Variants in LIFR observed in about 807,000 individuals in gnomAD.
LIFR encodes LIF receptor subunit alpha, also known as leukemia inhibitory factor receptor.
LIFR carries 84 observed loss-of-function variants against 122.2 expected under a neutral mutation model. The ratio of observed to expected loss-of-function variants is 0.69; its 90% confidence interval spans 0.58 to 0.82. The LOEUF (loss-of-function observed/expected upper bound fraction) is 0.82. Ranked by LOEUF, LIFR falls within the 40% of genes least tolerant of loss-of-function variation. LIFR has a pLI of 0.00. For synonymous variants in LIFR, 422 were observed against 434.7 expected, an observed-to-expected ratio of 0.97 and a Z score of 0.36; for missense variants, 1,294 against 1,311.6, an observed-to-expected ratio of 0.99 and a Z score of 0.21.
At position 38,523,501 on chromosome 5, in the gene LIFR, C is replaced by G. The variant is rs772370399; in HGVS notation, c.479G>C (p.Arg160Thr). 3.1e-6 allele frequency: 5 copies of G among 1,613,240 alleles called. No homozygotes were observed. The African/African-American group carries it at 6.7e-5, about 22-fold the overall frequency. The change falls in exon 5 of 20, where the codon AGG becomes ACG. Residue 160 changes from arginine to threonine, a missense_variant. Physicochemically the swap from Arg to Thr is moderately conservative, Grantham distance 71. Coordinates refer to ENST00000453190, the MANE Select transcript of LIFR (RefSeq NM_001127671.2). ...TSTLYLKWND[R>T]GSVFPHRSNV... Reference sequence around the variant, plus strand: ...TGAGCGGTGTGGAAAAACTGAACCCCTGTCGTTCCACTTTAGGTATAATGT... The same window carrying G: ...TGAGCGGTGTGGAAAAACTGAACCCGTGTCGTTCCACTTTAGGTATAATGT...
chr5:38,592,484 C>A (rs1332712459), intron 1 of LIFR, among the ~76,000 whole-genome samples: 4 of 151,832 alleles, frequency 2.6e-5, no homozygotes, highest in African/African-American at 9.7e-5. Context: ...ATGACAAAAC[C>A]CTGTCTCTAC....
At chr5:38,582,351 T>C (rs1289178942) in intron 1 of LIFR, among the ~76,000 whole-genome samples, 1 of 152,194 alleles carries the variant, frequency 6.6e-6, no homozygotes, top group Non-Finnish European at 1.5e-5. Context: ...GGTGACCAAG[T>C]AAATCCTTCA....
chr5:38,528,548 C>T (rs1440434509), intron 3 of LIFR, 178 bp downstream of exon 3: 5 of 643,596 alleles, frequency 7.8e-6, no homozygotes, highest in East Asian at 2.8e-5. Context: ...TGCCATCACA[C>T]CTCATAATGC....
At chr5:38,577,824 T>C (rs2112730937) in intron 1 of LIFR, among the ~76,000 whole-genome samples, 1 of 152,340 alleles carries the variant, frequency 6.6e-6, no homozygotes, top group East Asian at 1.9e-4. Flanking sequence ...ATCAGGCTTT[T>C]TGAACAACAT....
upstream of LIFR, chr5:38,595,495 T>C (rs1750067647): frequency 6.6e-6 from 1 of 152,366 alleles, no homozygotes; most frequent in Non-Finnish European, 1.5e-5. Flanking sequence ...ATCACAACAA[T>C]GACTGGAATG....
At position 38,478,066 on chromosome 5, in the gene LIFR, T is replaced by G. The variant is rs920764625; in HGVS notation, c.*3529A>C. ...CTTTCAAAATACCATAAAATTGATT[T>G]TAAATTCCCTTTGGAAGAAAACATC... On this transcript the variant is annotated 3_prime_UTR_variant, in exon 20 of 20. Coordinates refer to ENST00000453190, the MANE Select transcript of LIFR (RefSeq NM_001127671.2). The G allele has an allele frequency of 1.4e-5, 3 of 208,588 alleles. No homozygotes were observed. Among genetic ancestry groups the G allele is most frequent in the Admixed American group, 5.9e-5 (1 of 16,910 alleles). The allele number at this position is 208,588 out of a possible 1,614,324, so 12.9% of individuals were successfully genotyped here.
At chr5:38,497,545 GT>G (rs1439004652) in intron 12 of LIFR, among the ~76,000 whole-genome samples, 3 of 152,188 alleles carry the variant, frequency 2.0e-5, no homozygotes, top group South Asian at 2.1e-4. Flanking sequence ...AGCATCATGG[GT>G]TTTTTTCTAA....
intron 1 of LIFR, among the ~76,000 whole-genome samples, chr5:38,565,836 G>A (rs1417124104): frequency 1.3e-5 from 2 of 152,102 alleles, no homozygotes; most frequent in East Asian, 1.9e-4. Context: ...CCCACACCTC[G>A]GCATCCCAAA....
In LIFR at chr5:38,530,610, C is replaced by A. The variant is rs2112571355; in HGVS notation, c.38G>T (p.Trp13Leu). 6.2e-7 allele frequency: 1 copy of A among 1,613,414 alleles called. No individual in the cohort carries two copies. Among genetic ancestry groups the A allele is most frequent in the Non-Finnish European group, 8.5e-7 (1 of 1,179,378 alleles). ...DIYVCLKRPS[W>L]MVDNKRMRTA... ...CCTCATTCTTTTATTGTCCACCATCCAGGATGGTCGTTTCAAACATACGTA... is the reference window on the plus strand; with the variant it reads ...CCTCATTCTTTTATTGTCCACCATCAAGGATGGTCGTTTCAAACATACGTA... Residue 13 changes from tryptophan (W) to leucine (L), a missense_variant, in exon 2 of 20, where the codon TGG becomes TTG. Physicochemically the swap from Trp to Leu is moderately conservative, Grantham distance 61 (BLOSUM62 -2). Coordinates refer to ENST00000453190, the MANE Select transcript of LIFR (RefSeq NM_001127671.2).
Position 38,527,173 on chromosome 5 carries a change from G to C in LIFR, c.379C>G (p.Leu127Val). The change falls in exon 4 of 20, where the codon CTA becomes GTA. Residue 127 changes from leucine (L) to valine (V), a missense_variant. Coordinates refer to ENST00000453190, the MANE Select transcript of LIFR (RefSeq NM_001127671.2). ...DFGSSTSKFT[L>V]NEQNVSLIPD... ...TACTTACAAACGTTTTGTTCATTTA[G>C]TGTGAATTTACTTGTAGAACTTCCA... 1 of 1,593,630 alleles carries C rather than the reference G, an allele frequency of 6.3e-7. No homozygotes were observed. The highest frequency in any genetic ancestry group is 8.6e-7 in the Non-Finnish European group (1 of 1,163,420).
At chr5:38,567,496 GTATTTATTTATT>G (rs56285132) in intron 1 of LIFR, among the ~76,000 whole-genome samples, 55 of 132,886 alleles carry the variant, frequency 4.1e-4, no homozygotes, top group Middle Eastern at 3.6e-3. Flanking sequence ...TGACCATTCT[GTATTTATTTATT>G]TATTTATTTA....
chr5:38,600,974 C>T (rs1750211614), intron 2 of LIFR, among the ~76,000 whole-genome samples: 1 of 152,194 alleles, frequency 6.6e-6, no homozygotes, highest in Non-Finnish European at 1.5e-5. Flanking sequence ...TAGAACAGGA[C>T]ACACAGGGGT....
intron 1 of LIFR, among the ~76,000 whole-genome samples, chr5:38,543,852 T>G (rs560306957): frequency 1.3e-5 from 2 of 152,160 alleles, no homozygotes; most frequent in Non-Finnish European, 2.9e-5. Flanking sequence ...CTACCTGACT[T>G]TTCTCCAGAT....
intron 1 of LIFR, among the ~76,000 whole-genome samples, chr5:38,606,462 C>T (rs1750331727): frequency 6.6e-6 from 1 of 152,150 alleles, no homozygotes; most frequent in South Asian, 2.1e-4. Flanking sequence ...CCACCAGGCC[C>T]CACCTCCAGC....
intron 17 of LIFR, chr5:38,485,504 T>A (rs1744238771): frequency 2.6e-6 from 1 of 386,782 alleles, no homozygotes; most frequent in African/African-American, 2.1e-5. Flanking sequence ...AGAAATCACA[T>A]AACAGCTGGA....
chr5:38,514,586 A>C (rs1745977129), intron 5 of LIFR, among the ~76,000 whole-genome samples: 1 of 152,230 alleles, frequency 6.6e-6, no homozygotes, highest in South Asian at 2.1e-4. Context: ...AAATAATTAA[A>C]TTAAAAGAAC....
At chr5:38,512,736 G>A (rs1252900045) in intron 5 of LIFR, among the ~76,000 whole-genome samples, 8 of 152,092 alleles carry the variant, frequency 5.3e-5, no homozygotes, top group Admixed American at 5.2e-4. Context: ...TGCTCAAAAA[G>A]TTTTGAATTT....
chr5:38,515,659 G>A (rs1401195550), intron 5 of LIFR, among the ~76,000 whole-genome samples: 1 of 149,992 alleles, frequency 6.7e-6, no homozygotes, highest in African/African-American at 2.4e-5. Flanking sequence ...AAAGGGAGGG[G>A]GTTGCTATCA....
intron 16 of LIFR, among the ~76,000 whole-genome samples, chr5:38,487,382 T>G (rs1744343878): frequency 6.6e-6 from 1 of 152,216 alleles, no homozygotes; most frequent in Non-Finnish European, 1.5e-5. Flanking sequence ...TGAAGAGACT[T>G]CTAGTATCTG....
Sources: allele counts gnomAD v4.1 joint callset (sites outside exome capture counted in the v4.1 genomes callset), GRCh38; gene constraint gnomAD v4.1.1; transcripts MANE v1.5; gene names NCBI Gene and HGNC (gene_info 2026-07-23, HGNC 2026-07-21).